The following PCDHGA1 variants were observed in gnomAD, a reference collection of about 807,000 sequenced individuals.
PCDHGA1 encodes protocadherin gamma-A1.
Under a neutral mutation model 58.0 loss-of-function variants are expected in PCDHGA1, and 32 were observed. That is an observed-to-expected ratio of 0.55 (90% CI 0.42 to 0.74). The LOEUF is 0.74. Ranked by LOEUF, PCDHGA1 falls within the 30% of genes least tolerant of loss-of-function variation. The pLI, the probability that PCDHGA1 is intolerant of heterozygous loss-of-function variation, is 0.00. For synonymous variants in PCDHGA1, 498 were observed against 501.1 expected, an observed-to-expected ratio of 0.99 and a Z score of 0.08; for missense variants, 1,205 against 1,182.3, an observed-to-expected ratio of 1.02 and a Z score of -0.28.
At chr5:141,339,518 C>T (rs991775237) in intron 1 of PCDHGA1, 1 of 1,614,084 alleles carries the variant, frequency 6.2e-7, no homozygotes, top group Non-Finnish European at 8.5e-7. Flanking sequence ...CCTGGACGTG[C>T]GAAGGGGAGC....
At chr5:141,370,537 G>C (rs1484817452) in intron 1 of PCDHGA1, 1 of 1,613,924 alleles carries the variant, frequency 6.2e-7, no homozygotes. Context: ...TCGCTGGTAG[G>C]GAACCTCGCC....
In PCDHGA1 at chr5:141,383,423, A is replaced by G. The variant is rs373117845; in HGVS notation, c.2421+50318A>G. 86 of 1,613,864 alleles carry G rather than the reference A, an allele frequency of 5.3e-5. No individual in the cohort carries two copies. The highest frequency in any genetic ancestry group is 1.6e-4 in the Middle Eastern group (1 of 6,084). On this transcript the variant is annotated intron_variant, in intron 1 of 3. Transcript: ENST00000517417. ...CTCCAGAGTTACCAGCTCAGCCCCAATCGCCACTTCTCCCTGGCTGTGCAA... is the reference window on the plus strand; with the variant it reads ...CTCCAGAGTTACCAGCTCAGCCCCAGTCGCCACTTCTCCCTGGCTGTGCAA...
intron 1 of PCDHGA1, among the ~76,000 whole-genome samples, chr5:141,483,007 C>T (rs938404755): frequency 1.3e-5 from 2 of 152,022 alleles, no homozygotes; most frequent in Non-Finnish European, 2.9e-5. Flanking sequence ...ATTGCTTGAA[C>T]CCGGGAGGCA....
At chr5:141,364,463 G>T (rs1561530846) in intron 1 of PCDHGA1, 2 of 1,614,000 alleles carry the variant, frequency 1.2e-6, no homozygotes, top group Admixed American at 1.7e-5. Context: ...AGGCTCCTTC[G>T]TCGGCAACAT....
At chr5:141,339,454 C>T (rs780869328) in intron 1 of PCDHGA1, 49 of 1,614,098 alleles carry the variant, frequency 3.0e-5, no homozygotes, top group South Asian at 7.7e-5. Context: ...ATGATGCAGA[C>T]GTAGGTGAGA....
At position 141,370,526 on chromosome 5, in the gene PCDHGA1, C is replaced by T. The variant is rs533530770; in HGVS notation, c.2421+37421C>T. 25 of 1,613,860 alleles carry T rather than the reference C, an allele frequency of 1.5e-5. No individual in the cohort carries two copies. In the East Asian group the frequency reaches 4.0e-4, roughly 26 times the overall value. ...CTATTCCCGAGGAGCTGGACAGGGG[C>T]TCGCTGGTAGGGAACCTCGCCAAGG... On this transcript the variant is annotated intron_variant, in intron 1 of 3. Transcript: ENST00000517417.
Position 141,453,270 on chromosome 5 carries a change from T to C in PCDHGA1, c.2422-41537T>C, listed in dbSNP as rs1592250907. 4.6e-5 allele frequency among the ~76,000 whole-genome samples: 7 copies of C among 152,146 alleles called. No homozygotes were observed. In the South Asian group the frequency reaches 1.5e-3, roughly 32 times the overall value. On this transcript the variant is annotated intron_variant, in intron 1 of 3. Transcript: ENST00000517417. The stretch of plus-strand genomic sequence containing the variant: ...CTGGGGCTGCAAGTGCACACCACCA[T>C]GACTGGCTAATTTTTTAATTATTTA...
rs1348259631 is a variant in PCDHGA1 at position 141,347,175 on chromosome 5, CTT to C, written c.2421+14072_2421+14073del. 3.5e-3 allele frequency among the ~76,000 whole-genome samples: 494 copies of C among 140,584 alleles called. 5 individuals are homozygous for C. The highest frequency in any genetic ancestry group is 0.012 in the African/African-American group (466 of 38,906). 92.2% of individuals were successfully genotyped at this position (140,584 alleles called of 152,430 possible). On this transcript the variant is annotated intron_variant, in intron 1 of 3. Coordinates refer to ENST00000517417, the MANE Select transcript of PCDHGA1 (RefSeq NM_018912.3). ...TCTTTCTTTCTTTCTTTCTTTCTTT[CTT>C]TCTTGACAGGGTCTTACTCTGTCTG...
In PCDHGA1 at chr5:141,409,552, A is replaced by C. The variant is rs777125488; in HGVS notation, c.2421+76447A>C. On this transcript the variant is annotated intron_variant, in intron 1 of 3. Transcript: ENST00000517417. ...TCGCTGACATCAACGACAACGCCCC[A>C]GTTTTCGACCAGACGTCCTACGTGG... 9 of 1,613,844 alleles carry C rather than the reference A, an allele frequency of 5.6e-6. No homozygotes were observed. The East Asian group carries it at 1.1e-4, about 20-fold the overall frequency.
At chr5:141,409,752 A>T in intron 1 of PCDHGA1, 3 of 1,613,020 alleles carry the variant, frequency 1.9e-6, no homozygotes, top group Non-Finnish European at 2.5e-6. Context: ...GTGTTCGCGC[A>T]GCGCGCCTTT....
chr5:141,375,943 C>T lies in PCDHGA1; in HGVS notation c.2421+42838C>T, dbSNP rs111303338. 3.8e-3 allele frequency: 6,199 copies of T among 1,613,582 alleles called. 67 individuals are homozygous for T. Among genetic ancestry groups the T allele is most frequent in the African/African-American group, 0.036 (2,673 of 75,052 alleles). ...GCGAGCCAGGACTTTTCTCAGTGGG[C>T]CTGCACACGGGCGAGGTGCGCACGG... On this transcript the variant is annotated intron_variant, in intron 1 of 3. Coordinates refer to ENST00000517417, the MANE Select transcript of PCDHGA1 (RefSeq NM_018912.3).
At position 141,340,351 on chromosome 5, in the gene PCDHGA1, C is replaced by A. The variant is rs1171573143; in HGVS notation, c.2421+7246C>A. On this transcript the variant is annotated intron_variant, in intron 1 of 3. Coordinates refer to ENST00000517417, the MANE Select transcript of PCDHGA1 (RefSeq NM_018912.3). ...TCTCCCGCACATCCTACTCCACCTA[C>A]ATTCCCGAAAACAACCCCAGAGGAG... The A allele has an allele frequency of 1.9e-6, 3 of 1,614,212 alleles. No homozygotes were observed. The Admixed American group carries it at 5.0e-5, about 27-fold the overall frequency.
Position 141,393,456 on chromosome 5 carries a change from T to A in PCDHGA1, c.2421+60351T>A. ...TGCTCACCACCTGGTCCTCACGGCC[T>A]CGGATGGCGGCAAGCCGCCTCGCTC... On this transcript the variant is annotated intron_variant, in intron 1 of 3. Coordinates refer to ENST00000517417, the MANE Select transcript of PCDHGA1 (RefSeq NM_018912.3). 1 of 1,614,026 alleles carries A rather than the reference T, an allele frequency of 6.2e-7. No individual in the cohort carries two copies. Among genetic ancestry groups the A allele is most frequent in the African/African-American group, 1.3e-5 (1 of 75,058 alleles).
At chr5:141,500,417 G>A in intron 2 of PCDHGA1, among the ~76,000 whole-genome samples, 1 of 151,736 alleles carries the variant, frequency 6.6e-6, no homozygotes, top group East Asian at 2.0e-4. Flanking sequence ...CACCGTGTTA[G>A]CCAGGATGGT....
intron 1 of PCDHGA1, chr5:141,355,140 G>A (rs1011751215): frequency 1.3e-5 from 20 of 1,525,342 alleles, no homozygotes; most frequent in Non-Finnish European, 3.5e-6. Context: ...AAGATCCTGG[G>A]GCTCCTCAGG....
intron 1 of PCDHGA1, chr5:141,333,910 A>G (rs1422432236): frequency 1.3e-5 from 2 of 152,246 alleles, no homozygotes; most frequent in Non-Finnish European, 1.5e-5. Flanking sequence ...CACAAAATTT[A>G]TCATGCAACT....
chr5:141,489,300 C>A lies in PCDHGA1; in HGVS notation c.2422-5507C>A. On this transcript the variant is annotated intron_variant, in intron 1 of 3. Coordinates refer to ENST00000517417, the MANE Select transcript of PCDHGA1 (RefSeq NM_018912.3). The surrounding 1 kb of genome is among the most constrained non-coding windows in gnomAD (Gnocchi z 4.5). ...AATGGCAAGTGCTGTGCATGTTGTC[C>A]TTGTGCTGCTGGGGCTGGGTGTCTG... 1 of 1,585,698 alleles carries A rather than the reference C, an allele frequency of 6.3e-7. No homozygotes were observed. Among genetic ancestry groups the A allele is most frequent in the South Asian group, 1.2e-5 (1 of 85,012 alleles).
intron 1 of PCDHGA1, chr5:141,388,653 C>T (rs1315025499): frequency 6.2e-7 from 1 of 1,613,728 alleles, no homozygotes; most frequent in Non-Finnish European, 8.5e-7. Context: ...AAACGTGTAC[C>T]CGGGGACCAC....
At chr5:141,349,026 G>A (rs570306872) in intron 1 of PCDHGA1, among the ~76,000 whole-genome samples, 7 of 152,088 alleles carry the variant, frequency 4.6e-5, no homozygotes, top group Non-Finnish European at 8.8e-5. Flanking sequence ...AGTCAAACTC[G>A]TTTTGCTCAT....
Sources: gnomAD v4.1 joint callset for allele counts (sites outside exome capture counted in the v4.1 genomes callset) on GRCh38, gnomAD v4.1.1 for gene constraint, Gnocchi (gnomAD v3.1) non-coding constraint, MANE v1.5 for transcripts, NCBI Gene and HGNC (gene_info 2026-07-23, HGNC 2026-07-21) for gene names.